The following CDH11 variants were observed in gnomAD, a reference collection of about 807,000 sequenced individuals.
The protein encoded by CDH11 is cadherin-11.
A neutral mutation model predicts 67.8 loss-of-function variants in CDH11; 11 were observed. The observed-to-expected ratio is 0.16, with a 90% CI of 0.10 to 0.27. The LOEUF is 0.27. Among genes scored for constraint, CDH11 ranks in the 10% least tolerant of loss-of-function variants. The pLI is 1.00. For missense variants in CDH11, 847 were observed against 1,031.2 expected (o/e 0.82, Z 2.45); for synonymous variants, 419 against 400.0 (o/e 1.05, Z -0.57).
At chr16:65,014,834 G>A (rs538028427) in intron 2 of CDH11, among the ~76,000 whole-genome samples, 5 of 152,050 alleles carry the variant, frequency 3.3e-5, no homozygotes, top group African/African-American at 1.2e-4. Flanking sequence ...GGCTGTTTGA[G>A]GAATAAAGAG....
chr16:65,079,557 C>A (rs1011172068), intron 1 of CDH11, among the ~76,000 whole-genome samples: 1 of 152,118 alleles, frequency 6.6e-6, no homozygotes, highest in African/African-American at 2.4e-5. Flanking sequence ...GTCTCCAATT[C>A]TCTAGGATTA....
intron 2 of CDH11, among the ~76,000 whole-genome samples, chr16:65,020,960 AC>A (rs1232710784): frequency 1.3e-5 from 2 of 152,040 alleles, no homozygotes; most frequent in Non-Finnish European, 2.9e-5. Context: ...AAGGCAAAAC[AC>A]CAAAAAATCA....
At position 64,946,101 on chromosome 16, in the gene CDH11, C is replaced by T. The variant is rs959828170; in HGVS notation, c.*1502G>A. 3.8e-6 allele frequency: 4 copies of T among 1,057,532 alleles called. No individual in the cohort carries two copies. Among genetic ancestry groups the T allele is most frequent in the South Asian group, 9.1e-5 (2 of 21,918 alleles). The allele number at this position is 1,057,532 out of a possible 1,614,324, so 65.5% of individuals were successfully genotyped here. ...TCGACTCTCAGAATCCAAAATGGTC[C>T]CTGCCCTCATTCTGAGCTTACGGCC... On this transcript the variant is annotated 3_prime_UTR_variant, in exon 13 of 13. Transcript: ENST00000268603.
At chr16:65,119,667 G>A (rs1005811266) in intron 1 of CDH11, among the ~76,000 whole-genome samples, 8 of 152,292 alleles carry the variant, frequency 5.3e-5, no homozygotes, top group African/African-American at 1.9e-4. Flanking sequence ...GGGGTGAGGA[G>A]GGTGGTTTAT....
At chr16:64,959,545 T>C (rs571923919) in intron 11 of CDH11, among the ~76,000 whole-genome samples, 2 of 152,260 alleles carry the variant, frequency 1.3e-5, no homozygotes, top group South Asian at 4.1e-4. Flanking sequence ...ATTTATTTTT[T>C]TGTTGTTGTT....
At chr16:65,082,223 T>G (rs1359317165) in intron 1 of CDH11, among the ~76,000 whole-genome samples, 3 of 152,216 alleles carry the variant, frequency 2.0e-5, no homozygotes, top group African/African-American at 7.2e-5. Flanking sequence ...AGGGCTCAGC[T>G]GAGCTTGGTC....
At chr16:65,040,346 A>G (rs1229669215) in intron 2 of CDH11, among the ~76,000 whole-genome samples, 1 of 152,218 alleles carries the variant, frequency 6.6e-6, no homozygotes, top group Non-Finnish European at 1.5e-5. Context: ...AAAATGTGAC[A>G]CATATACACC....
At chr16:65,016,207 A>T (rs2073304278) in intron 2 of CDH11, among the ~76,000 whole-genome samples, 1 of 152,206 alleles carries the variant, frequency 6.6e-6, no homozygotes, top group Admixed American at 6.5e-5. Context: ...CATTTTAAGA[A>T]AGCAGACATC....
intron 6 of CDH11, 89 bp downstream of exon 6, chr16:64,991,679 G>C: frequency 1.1e-6 from 1 of 874,594 alleles, no homozygotes; most frequent in Non-Finnish European, 1.7e-6. Context: ...TTTTCTTTTT[G>C]ATACCTCAGT....
At chr16:65,090,448 T>A (rs2074774874) in intron 1 of CDH11, among the ~76,000 whole-genome samples, 1 of 152,170 alleles carries the variant, frequency 6.6e-6, no homozygotes, top group African/African-American at 2.4e-5. Context: ...CAATCCTTTC[T>A]TAAGCCTTAT....
At position 65,004,761 on chromosome 16, in the gene CDH11, C is replaced by T. The variant is rs2073009049; in HGVS notation, c.109G>A (p.Gly37Arg). ...RRGHLRPSFHGHHEKGKEGQV... is the reference protein window; with the variant it reads ...RRGHLRPSFHRHHEKGKEGQV... ...CCCTCCTTGCCCTTCTCATGGTGCC[C>T]ATGGAAGGAGGGCCGCAGGTGCCCC... The change falls in exon 3 of 13, where the codon GGG becomes AGG. Residue 37 changes from glycine to arginine, a missense_variant. Coordinates refer to ENST00000268603, the MANE Select transcript of CDH11 (RefSeq NM_001797.4). 2 of 1,612,012 alleles carry T rather than the reference C, an allele frequency of 1.2e-6. No homozygotes were observed. Among genetic ancestry groups the T allele is most frequent in the Non-Finnish European group, 1.7e-6 (2 of 1,179,232 alleles).
chr16:64,981,641 T>C (rs2072353394), intron 8 of CDH11: 1 of 153,826 alleles, frequency 6.5e-6, no homozygotes. Flanking sequence ...ATCGATTAAG[T>C]TGAGGGGATT....
intron 4 of CDH11, among the ~76,000 whole-genome samples, chr16:64,994,680 A>C (rs893809263): frequency 2.0e-5 from 3 of 152,226 alleles, no homozygotes; most frequent in African/African-American, 4.8e-5. Context: ...CACCAGTCCT[A>C]TTCAACATAG....
intron 2 of CDH11, among the ~76,000 whole-genome samples, chr16:65,047,384 C>T (rs2073981190): frequency 1.3e-5 from 2 of 150,912 alleles, no homozygotes; most frequent in Admixed American, 1.3e-4. Context: ...TGGAGTCTTG[C>T]TCTGTCACCA....
chr16:64,984,787 C>T (rs2072444247), intron 7 of CDH11: 1 of 152,110 alleles, frequency 6.6e-6, no homozygotes, highest in African/African-American at 2.4e-5. Flanking sequence ...CATTATATAA[C>T]AGCATGTAAA....
intron 2 of CDH11, among the ~76,000 whole-genome samples, chr16:65,027,504 C>A (rs1190460585): frequency 6.6e-6 from 1 of 152,204 alleles, no homozygotes; most frequent in East Asian, 1.9e-4. Context: ...TGCTTTCCAG[C>A]ATTACTTTGT....
chr16:64,949,425 CTTTTTTTTTT>C (rs71143535), intron 12 of CDH11, among the ~76,000 whole-genome samples: 1 of 106,020 alleles, frequency 9.4e-6, no homozygotes, highest in Non-Finnish European at 1.8e-5. Flanking sequence ...TTTTTTTTTT[CTTTTTTTTTT>C]TTTTTTTTGA....
At chr16:65,047,873 G>T (rs1319311555) in intron 2 of CDH11, among the ~76,000 whole-genome samples, 2 of 152,094 alleles carry the variant, frequency 1.3e-5, no homozygotes, top group African/African-American at 4.8e-5. Flanking sequence ...AAACCCAGAG[G>T]TCACCTCCTC....
chr16:65,103,669 T>C (rs1486704159), intron 1 of CDH11, among the ~76,000 whole-genome samples: 1 of 152,188 alleles, frequency 6.6e-6, no homozygotes, highest in African/African-American at 2.4e-5. Flanking sequence ...AATATATTCT[T>C]CAAAAGTTGA....
Sources: gnomAD v4.1 joint callset for allele counts (sites outside exome capture counted in the v4.1 genomes callset) on GRCh38, gnomAD v4.1.1 for gene constraint, MANE v1.5 for transcripts, NCBI Gene and HGNC (gene_info 2026-07-23, HGNC 2026-07-21) for gene names.